Variants in SLC25A23 observed in about 807,000 individuals in gnomAD.
SLC25A23 encodes solute carrier family 25 member 23.
Under a neutral mutation model 53.9 loss-of-function variants are expected in SLC25A23, and 32 were observed. The ratio of observed to expected loss-of-function variants is 0.59; its 90% CI spans 0.45 to 0.80. The LOEUF (loss-of-function observed/expected upper bound fraction) is 0.80, where lower values mean the gene tolerates loss of function less well. SLC25A23 is among the 30% of genes least tolerant of loss of function. The probability of loss-of-function intolerance (pLI) is 0.00; values close to 1 mark genes in which losing one functional copy is unlikely to be tolerated. For missense variants in SLC25A23, 575 were observed against 651.4 expected (o/e 0.88, Z 1.28); for synonymous variants, 275 against 264.5 (o/e 1.04, Z -0.38).
Position 6,454,081 on chromosome 19 carries a change from C to T in SLC25A23, c.803G>A (p.Arg268Lys). The T allele has an allele frequency of 6.2e-7, 1 of 1,612,676 alleles. No individual in the cohort carries two copies. The highest frequency in any genetic ancestry group is 2.2e-5 in the East Asian group (1 of 44,882). The change falls in exon 7 of 10, where the codon AGG becomes AAG. Residue 268 changes from arginine (R) to lysine (K), a missense_variant. Arg to Lys is a conservative substitution (Grantham distance 26). Coordinates refer to ENST00000301454, the MANE Select transcript of SLC25A23 (RefSeq NM_024103.3). The surrounding 1 kb of genome is among the most constrained non-coding windows in gnomAD (Gnocchi z 4.3). The part of the protein sequence containing the change: ...IKFMAYEQIK[R>K]AILGQQETLH... ...TGTCTCCTGCTGCCCCAGGATGGCC[C>T]TCTTGATCTGAGGCGGGGAGACACA...
rs527483059 is a variant in SLC25A23 at position 6,450,109 on chromosome 19, C to T, written c.1071+2203G>A. Among the ~76,000 whole-genome samples the T allele has an allele frequency of 4.6e-5, 7 of 152,138 alleles. No homozygotes were observed. The South Asian group carries it at 6.2e-4, about 14-fold the overall frequency. ...CTGACCTCAGGTGATCCACCGGCCT[C>T]GGCTTCCCAACGTGCTGGGATTATA... On this transcript the variant is annotated intron_variant, in intron 8 of 9. Transcript: ENST00000301454.
intron 4 of SLC25A23, 63 bp downstream of exon 4, chr19:6,456,357 G>C (rs1311916629): frequency 2.6e-6 from 4 of 1,529,052 alleles, no homozygotes; most frequent in Admixed American, 1.7e-5. Flanking sequence ...GGGGAGATCG[G>C]AGCAAGGCCC....
intron 9 of SLC25A23, chr19:6,443,755 G>T (rs1384707371): frequency 4.9e-6 from 3 of 614,772 alleles, no homozygotes; most frequent in South Asian, 1.9e-5. Flanking sequence ...GGGGACGGGG[G>T]GAAATAATTC....
chr19:6,456,025 G>T (rs547648079), intron 4 of SLC25A23: 3 of 1,303,200 alleles, frequency 2.3e-6, no homozygotes, highest in Non-Finnish European at 3.0e-6. Context: ...GGCCAAGACC[G>T]TGGTTTTTGA....
At chr19:6,457,070 T>C (rs1160665240) in intron 3 of SLC25A23, among the ~76,000 whole-genome samples, 12 of 150,850 alleles carry the variant, frequency 8.0e-5, no homozygotes, top group Admixed American at 1.3e-4. Context: ...TCTTTCTTTT[T>C]TTTTTTTTTT....
downstream of SLC25A23, among the ~76,000 whole-genome samples, chr19:6,439,164 G>A (rs1321490094): frequency 2.6e-5 from 4 of 152,008 alleles, no homozygotes; most frequent in Admixed American, 6.6e-5. Flanking sequence ...AAGCTGCAGT[G>A]AGCCGAGATC....
rs774049176 is a variant in SLC25A23 at position 6,456,466 on chromosome 19, G to A, written c.437C>T (p.Ser146Leu). Residue 146 changes from serine (S) to leucine (L), a missense_variant, in exon 4 of 10, where the codon TCG (serine) becomes TTG (leucine). Transcript: ENST00000301454. ...QEWRDHFLLHSLENVEDVLYF... is the reference protein window; with the variant it reads ...QEWRDHFLLHLLENVEDVLYF... ...CAGCACGTCCTCCACATTTTCCAGC[G>A]AATGCAACAGGAAGTGGTCGCGCCA... 1.2e-5 allele frequency: 19 copies of A among 1,613,776 alleles called. No individual in the cohort carries two copies. Among genetic ancestry groups the A allele is most frequent in the African/African-American group, 2.7e-5 (2 of 74,828 alleles).
At chr19:6,456,328 T>A in intron 4 of SLC25A23, 92 bp downstream of exon 4, 1 of 1,305,246 alleles carries the variant, frequency 7.7e-7, no homozygotes, top group South Asian at 1.3e-5. Flanking sequence ...AAAGTCCTGG[T>A]CCAGCCCATC....
rs1292253410 is a variant in SLC25A23 at position 6,454,255 on chromosome 19, C to T, written c.795+68G>A. On this transcript the variant is annotated intron_variant, in intron 6 of 9. Coordinates refer to ENST00000301454, the MANE Select transcript of SLC25A23 (RefSeq NM_024103.3). This position sits in a 1 kb window ranked among gnomAD's most constrained non-coding sequence, Gnocchi z 4.3. ...TTCACCACCCACCCCCAAGCCAATC[C>T]CGTAAATCTTTATGTACAGCCCAGT... 2 of 1,560,650 alleles carry T rather than the reference C, an allele frequency of 1.3e-6. No homozygotes were observed. The highest frequency in any genetic ancestry group is 2.7e-5 in the African/African-American group (2 of 73,756).
Position 6,454,312 on chromosome 19 carries a change from C to A in SLC25A23, c.795+11G>T, listed in dbSNP as rs746727077. 1.2e-6 allele frequency: 2 copies of A among 1,611,446 alleles called. No individual in the cohort carries two copies. The highest frequency in any genetic ancestry group is 4.5e-5 in the East Asian group (2 of 44,876). ...TATGGCAAGCACATTCCTCCCTGTA[C>A]CTGCCCTCACCTGTTCATAGGCCAT... is the stretch of plus-strand genomic sequence containing the variant. On this transcript the variant is annotated intron_variant, in intron 6 of 9. Transcript: ENST00000301454. The surrounding 1 kb of genome is among the most constrained non-coding windows in gnomAD (Gnocchi z 4.3).
intron 9 of SLC25A23, among the ~76,000 whole-genome samples, chr19:6,443,322 AGTGATCCTCCG>A (rs2092451728): frequency 6.6e-6 from 1 of 152,042 alleles, no homozygotes; most frequent in East Asian, 1.9e-4. Context: ...TGCAGCCTCA[AGTGATCCTCCG>A]GCCTCAGCCT....
chr19:6,456,073 G>C (rs943604119), intron 4 of SLC25A23: 3 of 1,356,068 alleles, frequency 2.2e-6, no homozygotes, highest in African/African-American at 2.9e-5. Flanking sequence ...TATCCAGGCA[G>C]AGAACCCAGC....
Position 6,454,454 on chromosome 19 carries a change from G to A in SLC25A23, c.664C>T (p.Arg222Trp), listed in dbSNP as rs200801447. ...CGAAGCCCCCCAAGGATGTTCAGCC[G>A]GTTGGTCTTTGAGGCATGGACCTGA... Reference protein sequence around the residue: ...FMQVHASKTNRLNILGGLRSM... With the variant: ...FMQVHASKTNWLNILGGLRSM... Residue 222 changes from arginine (R) to tryptophan (W), a missense_variant, in exon 6 of 10, where the codon CGG becomes TGG. Arg to Trp is a moderately radical substitution (Grantham distance 101). Transcript: ENST00000301454. The surrounding 1 kb of genome is among the most constrained non-coding windows in gnomAD (Gnocchi z 4.3). 69 of 1,614,108 alleles carry A rather than the reference G, an allele frequency of 4.3e-5. No homozygotes were observed. The highest frequency in any genetic ancestry group is 1.6e-4 in the Middle Eastern group (1 of 6,062).
rs1024382146 is a variant in SLC25A23, at chr19:6,454,813, T to C, written c.484-96A>G. The C allele has an allele frequency of 7.2e-7, 1 of 1,386,538 alleles. No individual in the cohort carries two copies. Among genetic ancestry groups the C allele is most frequent in the African/African-American group, 1.4e-5 (1 of 69,618 alleles). The allele number at this position is 1,386,538 out of a possible 1,614,324, so 85.9% of individuals were successfully genotyped here. A position where few individuals can be genotyped will look rare whatever the true frequency, so the allele number is the denominator to read the frequency against. ...GGAGTCTCCTCTATGAATCCTAGGA[T>C]ACCCTAGAGTCTGCCAATGACTCTT... On this transcript the variant is annotated intron_variant, in intron 4 of 9. Coordinates refer to ENST00000301454, the MANE Select transcript of SLC25A23 (RefSeq NM_024103.3). The surrounding 1 kb of genome is among the most constrained non-coding windows in gnomAD (Gnocchi z 4.3).
intron 3 of SLC25A23, among the ~76,000 whole-genome samples, 166 bp downstream of exon 3, chr19:6,457,337 G>A (rs557563216): frequency 6.6e-6 from 1 of 152,010 alleles, no homozygotes; most frequent in South Asian, 2.1e-4. Flanking sequence ...AAAGTGCTGG[G>A]GTTACAGATG....
Position 6,442,171 on chromosome 19 carries a change from C to CGGGGGGG in SLC25A23, c.1223-19_1223-13dup. The CGGGGGGG allele has an allele frequency of 1.0e-5, 6 of 597,880 alleles. No individual in the cohort carries two copies. Among genetic ancestry groups the CGGGGGGG allele is most frequent in the African/African-American group, 2.0e-5 (1 of 49,758 alleles). The allele number at this position is 597,880 out of a possible 1,614,324, so 37.0% of individuals were successfully genotyped here. On this transcript the variant is annotated splice_polypyrimidine_tract_variant and intron_variant, in intron 9 of 9. Transcript: ENST00000301454. ...ACCCTCGATGGAGGCTGGGAGGGGG[C>CGGGGGGG]GGGGGGGGCACCAGGTAAGGCCAAC...
At chr19:6,452,697 G>T in intron 7 of SLC25A23, 1 of 502,964 alleles carries the variant, frequency 2.0e-6, no homozygotes, top group Non-Finnish European at 3.4e-6. Flanking sequence ...ACCAGTAACT[G>T]TCTCCTGATA....
intron 4 of SLC25A23, chr19:6,456,208 G>A (rs891971583): frequency 1.8e-4 from 192 of 1,093,074 alleles, no homozygotes; most frequent in South Asian, 2.2e-4. Flanking sequence ...CAAGGGCTGC[G>A]CTTCAATCAG....
chr19:6,459,449 G>A lies in SLC25A23; in HGVS notation c.156+24C>T. ...GGGAGCGGGCGGGGCCGGGAGGGGA[G>A]GAGGTCCCTGGGGGTGGGGGTACCT... On this transcript the variant is annotated intron_variant, in intron 1 of 9. Coordinates refer to ENST00000301454, the MANE Select transcript of SLC25A23 (RefSeq NM_024103.3). The surrounding 1 kb of genome is among the most constrained non-coding windows in gnomAD (Gnocchi z 4.6). 7 of 1,572,868 alleles carry A rather than the reference G, an allele frequency of 4.5e-6. No individual in the cohort carries two copies. The highest frequency in any genetic ancestry group is 5.1e-6 in the Non-Finnish European group (6 of 1,166,916).
Sources: gnomAD v4.1 joint callset for allele counts (sites outside exome capture counted in the v4.1 genomes callset) on GRCh38, gnomAD v4.1.1 for gene constraint, Gnocchi (gnomAD v3.1) non-coding constraint, MANE v1.5 for transcripts, NCBI Gene and HGNC (gene_info 2026-07-23, HGNC 2026-07-21) for gene names.